Variants in MTFR1 observed in about 807,000 individuals in gnomAD.
MTFR1 encodes the protein mitochondrial fission regulator 1, also known as chondrocyte protein with a poly-proline region.
In MTFR1, 28 loss-of-function variants were observed where a neutral mutation model predicts 38.8. That is an observed-to-expected ratio of 0.72 (90% CI 0.53 to 0.99). MTFR1 has a LOEUF of 0.99. Ranked by LOEUF, MTFR1 falls within the 50% of genes least tolerant of loss-of-function variation. MTFR1 has a pLI of 0.00. For missense variants in MTFR1, 358 were observed against 395.5 expected, an observed-to-expected ratio of 0.91 and a Z score of 0.81; for synonymous variants, 145 against 137.0, an observed-to-expected ratio of 1.06 and a Z score of -0.41.
intron 3 of MTFR1, among the ~76,000 whole-genome samples, chr8:65,767,322 G>A (rs1002743367): frequency 6.6e-6 from 1 of 152,196 alleles, no homozygotes. Context: ...CATGACCAGA[G>A]ACTGTGCTTT....
At chr8:65,645,698 C>CCCG (rs1554544286) in intron 1 of MTFR1, among the ~76,000 whole-genome samples, 1 of 130,280 alleles carries the variant, frequency 7.7e-6, no homozygotes, top group South Asian at 4.3e-4. Flanking sequence ...GCTTTCCCCC[C>CCCG]CCCCCCCCTT....
At chr8:65,670,509 A>G (rs1358065308) in intron 2 of MTFR1, among the ~76,000 whole-genome samples, 1 of 152,182 alleles carries the variant, frequency 6.6e-6, no homozygotes, top group Non-Finnish European at 1.5e-5. Context: ...TTACCTTGAC[A>G]TTTTTTATAA....
At position 65,709,134 on chromosome 8, in the gene MTFR1, A is replaced by G; in HGVS notation, c.*90A>G. ...TAGAAATCGACACTGTTTAGTAAAT[A>G]CCTCTTTAGTATTCAGTGGTCTTCT... On this transcript the variant is annotated 3_prime_UTR_variant, in exon 8 of 8. Transcript: ENST00000262146. 2 of 1,104,714 alleles carry G rather than the reference A, an allele frequency of 1.8e-6. No individual in the cohort carries two copies. The highest frequency in any genetic ancestry group is 1.3e-5 in the South Asian group (1 of 79,418). The allele number at this position is 1,104,714 out of a possible 1,614,324, so 68.4% of individuals were successfully genotyped here.
At chr8:65,718,162 C>T (rs1806216537) in intron 2 of MTFR1, 1 of 152,204 alleles carries the variant, frequency 6.6e-6, no homozygotes, top group Admixed American at 6.5e-5. Flanking sequence ...TACCAACCTT[C>T]CCCTCCCCCG....
At chr8:65,726,894 G>A (rs1276480165) in intron 3 of MTFR1, 8 of 1,596,418 alleles carry the variant, frequency 5.0e-6, no homozygotes, top group Non-Finnish European at 8.6e-7. Context: ...AATGGCAGAT[G>A]TGAGAATAAG....
chr8:65,733,889 AG>A (rs1328214679), intron 3 of MTFR1, among the ~76,000 whole-genome samples: 1 of 152,196 alleles, frequency 6.6e-6, no homozygotes, highest in Non-Finnish European at 1.5e-5. Context: ...GCCAGAACTA[AG>A]ATCTAGGGAG....
At chr8:65,751,875 C>G (rs1461894155) in intron 3 of MTFR1, among the ~76,000 whole-genome samples, 3 of 152,156 alleles carry the variant, frequency 2.0e-5, no homozygotes, top group East Asian at 1.9e-4. Flanking sequence ...ATTTTACAAC[C>G]TGTTCTGCAT....
rs1170360057 is a variant in MTFR1 at position 65,709,965 on chromosome 8, T to TC, written c.*922dup. ...TGGCAAATGAATTTCCTATAAATTA[T>TC]CATTGGTCAGAATGCTGTTTTGTTT... On this transcript the variant is annotated 3_prime_UTR_variant, in exon 8 of 8. Transcript: ENST00000262146. 6.6e-6 allele frequency: 1 copy of TC among 152,550 alleles called. No individual in the cohort carries two copies. Among genetic ancestry groups the TC allele is most frequent in the Non-Finnish European group, 1.5e-5 (1 of 68,040 alleles). 9.4% of individuals were successfully genotyped at this position (152,550 alleles called of 1,614,324 possible).
chr8:65,776,643 T>C, the MTFR1 span, among the ~76,000 whole-genome samples: 1 of 152,218 alleles, frequency 6.6e-6, no homozygotes, highest in Non-Finnish European at 1.5e-5. Flanking sequence ...TATCCCTACA[T>C]ATTTGATGTT....
intron 3 of MTFR1, among the ~76,000 whole-genome samples, chr8:65,692,095 C>A (rs1805297877): frequency 6.6e-6 from 1 of 152,134 alleles, no homozygotes; most frequent in African/African-American, 2.4e-5. Flanking sequence ...TTTTGATAAA[C>A]ATATTAATGA....
At chr8:65,724,662 T>A (rs2129065621) in intron 3 of MTFR1, 1 of 904,692 alleles carries the variant, frequency 1.1e-6, no homozygotes, top group Admixed American at 2.6e-5. Context: ...AGGAAATTCT[T>A]TAGCTTGCCC....
At chr8:65,705,754 G>A (rs765839443) in intron 5 of MTFR1, among the ~76,000 whole-genome samples, 2 of 152,152 alleles carry the variant, frequency 1.3e-5, no homozygotes, top group African/African-American at 2.4e-5. Context: ...GAATAAATAT[G>A]GAAAGTATAT....
chr8:65,653,523 A>G (rs1349305355), intron 1 of MTFR1, among the ~76,000 whole-genome samples: 2 of 152,146 alleles, frequency 1.3e-5, no homozygotes, highest in African/African-American at 4.8e-5. Context: ...AAAAATAAAA[A>G]TAAGAAAGAA....
chr8:65,656,080 C>G (rs1809261824), intron 1 of MTFR1, among the ~76,000 whole-genome samples: 1 of 144,822 alleles, frequency 6.9e-6, no homozygotes, highest in Non-Finnish European at 1.5e-5. Flanking sequence ...CCTGCAATCC[C>G]AGCTACTCAG....
chr8:65,744,468 C>A (rs902554539), intron 3 of MTFR1, among the ~76,000 whole-genome samples: 3 of 151,966 alleles, frequency 2.0e-5, no homozygotes, highest in Admixed American at 2.0e-4. Flanking sequence ...TGTTTCTGTC[C>A]GCAAAGAGAA....
At chr8:65,778,189 CG>C in the MTFR1 span, among the ~76,000 whole-genome samples, 28 of 152,290 alleles carry the variant, frequency 1.8e-4, no homozygotes, top group African/African-American at 6.7e-4. Flanking sequence ...TATGGAAATG[CG>C]ATGTTATGCC....
intron 3 of MTFR1, among the ~76,000 whole-genome samples, chr8:65,729,716 C>A (rs1325140550): frequency 1.3e-5 from 2 of 151,098 alleles, no homozygotes; most frequent in South Asian, 4.2e-4. Flanking sequence ...GCGCCTACCA[C>A]CATGCCTGAC....
intron 3 of MTFR1, among the ~76,000 whole-genome samples, chr8:65,749,021 C>T (rs1807810900): frequency 6.6e-6 from 1 of 152,172 alleles, no homozygotes; most frequent in African/African-American, 2.4e-5. Flanking sequence ...AGGCTTCACG[C>T]TCCAAGTCTG....
downstream of MTFR1, among the ~76,000 whole-genome samples, chr8:65,775,966 T>C (rs1337644990): frequency 6.6e-6 from 1 of 152,164 alleles, no homozygotes; most frequent in Non-Finnish European, 1.5e-5. Flanking sequence ...CTAAAAGAGT[T>C]GTTTATACTT....
Sources: allele counts gnomAD v4.1 joint callset (sites outside exome capture counted in the v4.1 genomes callset), GRCh38; gene constraint gnomAD v4.1.1; transcripts MANE v1.5; gene names NCBI Gene and HGNC (gene_info 2026-07-23, HGNC 2026-07-21).